UGT1A3: variants seen among roughly 807,000 people sequenced by gnomAD.
UGT1A3 encodes the protein UDP-glucuronosyltransferase 1A3.
Under a neutral mutation model 41.0 loss-of-function variants are expected in UGT1A3, and 31 were observed. The observed-to-expected ratio is 0.76, with a 90% confidence interval of 0.57 to 1.02. UGT1A3 has a LOEUF of 1.02. Ranked by LOEUF, UGT1A3 falls within the 50% of genes least tolerant of loss-of-function variation. The pLI, the probability that UGT1A3 is intolerant of heterozygous loss-of-function variation, is 0.00. For synonymous variants in UGT1A3, 262 were observed against 257.6 expected (o/e 1.02, Z -0.17); for missense variants, 737 against 671.0 (o/e 1.10, Z -1.09).
intron 1 of UGT1A3, among the ~76,000 whole-genome samples, chr2:233,734,963 T>A (rs1419315489): frequency 6.6e-6 from 1 of 152,234 alleles, no homozygotes; most frequent in Non-Finnish European, 1.5e-5. Context: ...ATAAGTGTGA[T>A]GTGGTGCTGA....
At chr2:233,742,506 T>C (rs1389190553) in intron 1 of UGT1A3, among the ~76,000 whole-genome samples, 1 of 151,946 alleles carries the variant, frequency 6.6e-6, no homozygotes, top group East Asian at 1.9e-4. Flanking sequence ...ATGGCTATCA[T>C]GAACACGTCA....
At position 233,729,564 on chromosome 2, in the gene UGT1A3, T is replaced by A; in HGVS notation, c.438T>A (p.Phe146Leu). ...TCAGGCACCTGAATGCTACTTCCTTTGATGTGGTTTTAACAGACCCCGTTA... is the reference window on the plus strand; with the variant it reads ...TCAGGCACCTGAATGCTACTTCCTTAGATGTGGTTTTAACAGACCCCGTTA... ...ALIRHLNATS[F>L]DVVLTDPVNL... is the part of the protein sequence containing the mutation. Residue 146 changes from phenylalanine to leucine, a missense_variant, in exon 1 of 5, where the codon TTT becomes TTA. Transcript: ENST00000482026. 2 of 1,614,164 alleles carry A rather than the reference T, an allele frequency of 1.2e-6. No individual in the cohort carries two copies.
chr2:233,729,344 A>G lies in UGT1A3; in HGVS notation c.218A>G (p.Asn73Ser). 1 of 1,614,144 alleles carries G rather than the reference A, an allele frequency of 6.2e-7. No homozygotes were observed. The highest frequency in any genetic ancestry group is 8.5e-7 in the Non-Finnish European group (1 of 1,180,008). Reference protein sequence around the residue: ...PEVNMHIKEENFFTLTTYAIS... With the variant: ...PEVNMHIKEESFFTLTTYAIS... The stretch of plus-strand genomic sequence containing the variant: ...GTGAATATGCACATCAAAGAAGAGA[A>G]CTTTTTCACCCTGACAACCTATGCC... The change falls in exon 1 of 5, where the codon AAC becomes AGC. Residue 73 changes from asparagine to serine, a missense_variant. Physicochemically the swap from Asn to Ser is conservative, Grantham distance 46. Coordinates refer to ENST00000482026, the MANE Select transcript of UGT1A3 (RefSeq NM_019093.4).
At chr2:233,730,798 G>T (rs772379862) in intron 1 of UGT1A3, among the ~76,000 whole-genome samples, 4 of 152,122 alleles carry the variant, frequency 2.6e-5, no homozygotes, top group Non-Finnish European at 5.9e-5. Flanking sequence ...AGTGATGAAT[G>T]GACATGCGTC....
intron 1 of UGT1A3, chr2:233,747,317 C>G (rs1693621647): frequency 6.2e-7 from 1 of 1,603,094 alleles, no homozygotes; most frequent in African/African-American, 1.3e-5. Context: ...CTGGTGGTAC[C>G]CATTGATGGC....
At chr2:233,761,302 C>T (rs1697737544) in intron 1 of UGT1A3, 1 of 1,473,836 alleles carries the variant, frequency 6.8e-7, no homozygotes, top group Non-Finnish European at 9.2e-7. Context: ...AGGTTTGAGT[C>T]TGTCTTTGGC....
intron 1 of UGT1A3, among the ~76,000 whole-genome samples, chr2:233,730,665 G>A (rs752963850): frequency 1.3e-5 from 2 of 152,252 alleles, no homozygotes; most frequent in African/African-American, 4.8e-5. Flanking sequence ...AGTTCGGAAG[G>A]CAAAGTAATG....
At chr2:233,748,394 G>T (rs1313890293) in intron 1 of UGT1A3, among the ~76,000 whole-genome samples, 1 of 151,804 alleles carries the variant, frequency 6.6e-6, no homozygotes, top group Non-Finnish European at 1.5e-5. Flanking sequence ...TTGGGAAGGA[G>T]CAGGGACACT....
chr2:233,756,961 G>A (rs1696368025), intron 1 of UGT1A3, among the ~76,000 whole-genome samples: 1 of 151,950 alleles, frequency 6.6e-6, no homozygotes, highest in Admixed American at 6.6e-5. Context: ...CTTGGCACTT[G>A]GTAAGCACGC....
intron 1 of UGT1A3, chr2:233,754,910 C>A: frequency 7.4e-7 from 1 of 1,353,942 alleles, no homozygotes; most frequent in African/African-American, 1.5e-5. Flanking sequence ...CCAAAATATT[C>A]TCCAGCGGGT....
intron 1 of UGT1A3, among the ~76,000 whole-genome samples, chr2:233,731,327 G>A (rs538271655): frequency 1.1e-4 from 17 of 148,560 alleles, no homozygotes; most frequent in African/African-American, 4.0e-4. Context: ...GGGTACATGT[G>A]CACAAATTGC....
At position 233,772,501 on chromosome 2, in the gene UGT1A3, G is replaced by T. The variant is rs778667717; in HGVS notation, c.1547G>T (p.Arg516Leu). 1.3e-5 allele frequency: 21 copies of T among 1,614,038 alleles called. No homozygotes were observed. In the African/African-American group the frequency reaches 2.5e-4, roughly 19 times the overall value. The change falls in exon 5 of 5, where the codon CGG (arginine) becomes CTG (leucine). Residue 516 changes from arginine to leucine, a missense_variant. By Grantham distance (102) the Arg-to-Leu change is moderately radical. Coordinates refer to ENST00000482026, the MANE Select transcript of UGT1A3 (RefSeq NM_019093.4). ...ITFKCCAYGY[R>L]KCLGKKGRVK... Reference sequence around the variant, plus strand: ...TTTAAATGTTGTGCTTATGGCTACCGGAAATGCTTGGGGAAAAAAGGGCGA... The same window carrying T: ...TTTAAATGTTGTGCTTATGGCTACCTGAAATGCTTGGGGAAAAAAGGGCGA...
rs781239546 is a variant in UGT1A3 at position 233,729,653 on chromosome 2, T to C, written c.527T>C (p.Ile176Thr). ...SIPTVFFLRN[I>T]PCDLDFKGTQ... ...CCTACTGTGTTTTTTTTGAGGAACA[T>C]TCCATGTGATTTAGACTTTAAGGGC... is the stretch of plus-strand genomic sequence containing the variant. The change falls in exon 1 of 5, where the codon ATT (isoleucine) becomes ACT (threonine). Residue 176 changes from isoleucine (I) to threonine (T), a missense_variant. By Grantham distance (89) the Ile-to-Thr change is moderately conservative. Transcript: ENST00000482026. 6.2e-7 allele frequency: 1 copy of C among 1,613,906 alleles called. No individual in the cohort carries two copies. The highest frequency in any genetic ancestry group is 2.2e-5 in the East Asian group (1 of 44,878).
intron 1 of UGT1A3, among the ~76,000 whole-genome samples, chr2:233,733,899 C>T (rs563890237): frequency 6.6e-6 from 1 of 151,930 alleles, no homozygotes; most frequent in Non-Finnish European, 1.5e-5. Flanking sequence ...CCTGTTTGTA[C>T]CTCTCTGGTA....
rs775577941 is a variant in UGT1A3 at position 233,729,775 on chromosome 2, C to G, written c.649C>G (p.Pro217Ala). The G allele has an allele frequency of 1.2e-6, 2 of 1,613,826 alleles. No individual in the cohort carries two copies. The highest frequency in any genetic ancestry group is 2.2e-5 in the East Asian group (1 of 44,892). Residue 217 changes from proline to alanine, a missense_variant, in exon 1 of 5, where the codon CCT becomes GCT. Coordinates refer to ENST00000482026, the MANE Select transcript of UGT1A3 (RefSeq NM_019093.4). Reference protein sequence around the residue: ...FMQRVKNMLYPLALSYICHAF... With the variant: ...FMQRVKNMLYALALSYICHAF... ...GCAAAGGGTCAAGAACATGCTCTAC[C>G]CTCTGGCCCTGTCCTACATTTGCCA... is the stretch of plus-strand genomic sequence containing the variant.
chr2:233,729,873 C>A lies in UGT1A3; in HGVS notation c.747C>A (p.Leu249=). The part of the protein sequence containing the change: ...FQREVSVVDI[L]SHASVWLFRG... ...GAGAGGTGTCAGTGGTGGATATTCT[C>A]AGTCATGCATCTGTGTGGCTGTTCC... Residue 249 remains leucine, a synonymous_variant, in exon 1 of 5, where the codon CTC becomes CTA. Transcript: ENST00000482026. 1 of 1,613,864 alleles carries A rather than the reference C, an allele frequency of 6.2e-7. No homozygotes were observed. The highest frequency in any genetic ancestry group is 8.5e-7 in the Non-Finnish European group (1 of 1,179,862).
intron 1 of UGT1A3, among the ~76,000 whole-genome samples, chr2:233,737,637 G>T (rs1475956364): frequency 6.6e-6 from 1 of 152,182 alleles, no homozygotes; most frequent in Non-Finnish European, 1.5e-5. Context: ...CATCTTCTGC[G>T]TCGATCATGC....
chr2:233,729,299 C>T lies in UGT1A3; in HGVS notation c.173C>T (p.Ala58Val). 2 of 1,614,234 alleles carry T rather than the reference C, an allele frequency of 1.2e-6. No individual in the cohort carries two copies. The highest frequency in any genetic ancestry group is 1.7e-6 in the Non-Finnish European group (2 of 1,180,032). Residue 58 changes from alanine to valine, a missense_variant, in exon 1 of 5, where the codon GCA becomes GTA. Physicochemically the swap from Ala to Val is moderately conservative, Grantham distance 64 (BLOSUM62 0). Coordinates refer to ENST00000482026, the MANE Select transcript of UGT1A3 (RefSeq NM_019093.4). The part of the protein sequence containing the change: ...LRELHARGHQ[A>V]VVLTPEVNMH... ...GAGCTCCATGCCAGAGGCCACCAGG[C>T]AGTGGTCCTCACCCCAGAGGTGAAT... is the stretch of plus-strand genomic sequence containing the variant.
intron 1 of UGT1A3, chr2:233,743,217 C>G: frequency 2.4e-6 from 1 of 409,784 alleles, no homozygotes; most frequent in Non-Finnish European, 4.8e-6. Context: ...AGTAACTGCT[C>G]TTTGCTATTT....
Sources: allele counts gnomAD v4.1 joint callset (sites outside exome capture counted in the v4.1 genomes callset), GRCh38; gene constraint gnomAD v4.1.1; transcripts MANE v1.5; gene names NCBI Gene and HGNC (gene_info 2026-07-23, HGNC 2026-07-21).